Variants in LAMA5 observed in about 807,000 individuals in gnomAD.
The protein encoded by LAMA5 is laminin subunit alpha-5.
A neutral mutation model predicts 433.4 loss-of-function variants in LAMA5; 260 were observed. The ratio of observed to expected loss-of-function variants is 0.60; its 90% confidence interval spans 0.54 to 0.66. The LOEUF (loss-of-function observed/expected upper bound fraction) is 0.66, where lower values mean the gene tolerates loss of function less well. Among genes scored for constraint, LAMA5 ranks in the 30% least tolerant of loss-of-function variants. The pLI, the probability that LAMA5 is intolerant of heterozygous loss-of-function variation, is 0.00. For missense variants in LAMA5, 5,378 were observed against 5,258.5 expected (o/e 1.02, Z -0.70); for synonymous variants, 2,620 against 2,226.6 (o/e 1.18, Z -4.97).
chr20:62,335,627 T>C (rs1357870376), intron 18 of LAMA5, among the ~76,000 whole-genome samples: 104 of 47,058 alleles, frequency 2.2e-3, no homozygotes, highest in Admixed American at 3.8e-3. Context: ...CCTGAGGAAC[T>C]CCACACCCCA....
rs776248644 is a variant in LAMA5 at position 62,313,039 on chromosome 20, G to A, written c.8956-29C>T. ...CAGAAACAGGGCAGGGTTAGTGTGG[G>A]GCAGGGTCAGTGCAAGTGGGGATGG... On this transcript the variant is annotated intron_variant, in intron 65 of 79. Coordinates refer to ENST00000252999, the MANE Select transcript of LAMA5 (RefSeq NM_005560.6). 3.8e-6 allele frequency: 6 copies of A among 1,596,392 alleles called. No individual in the cohort carries two copies. In the African/African-American group the frequency reaches 4.0e-5, roughly 11 times the overall value.
rs1568966005 is a variant in LAMA5 at position 62,346,640 on chromosome 20, A to T, written c.1191+42T>A. On this transcript the variant is annotated intron_variant, in intron 8 of 79. Transcript: ENST00000252999. ...TTGAGTCTGGGGAGGTCCCTGCCCC[A>T]CCTCAGGGCCAGCCCATTCCCAGCC... 21 of 1,610,158 alleles carry T rather than the reference A, an allele frequency of 1.3e-5. 1 individual carries two copies. The South Asian group carries it at 1.9e-4, about 14-fold the overall frequency.
intron 2 of LAMA5, among the ~76,000 whole-genome samples, chr20:62,360,230 G>A (rs1173701800): frequency 6.2e-5 from 9 of 144,048 alleles, no homozygotes; most frequent in African/African-American, 2.1e-4. Context: ...GAAGGAAGAC[G>A]GTGCAGGTGT....
rs748613361 is a variant in LAMA5 at position 62,314,230 on chromosome 20, G to A, written c.8504+74C>T. ...GAGGTGAAGGGTGGTGGGTGCACACGGAGAGGGGAGAGATGGCGAACGGGC... is the reference window on the plus strand; with the variant it reads ...GAGGTGAAGGGTGGTGGGTGCACACAGAGAGGGGAGAGATGGCGAACGGGC... On this transcript the variant is annotated intron_variant, in intron 62 of 79. Transcript: ENST00000252999. The A allele has an allele frequency of 5.2e-5, 80 of 1,538,154 alleles. No individual in the cohort carries two copies. The South Asian group carries it at 7.5e-4, about 14-fold the overall frequency.
chr20:62,314,262 C>G (rs753962641), intron 62 of LAMA5, 42 bp downstream of exon 62: 2 of 1,598,938 alleles, frequency 1.3e-6, no homozygotes, highest in African/African-American at 2.7e-5. Flanking sequence ...GGGCAAGGGC[C>G]CTGCAGTTGG....
At position 62,325,320 on chromosome 20, in the gene LAMA5, C is replaced by CATGA; in HGVS notation, c.5521_5524dup (p.Cys1842PhefsTer53). ...CTGGTGCTGTCCTAACCTCACCTGG[C>CATGA]ATGAGTCCCCCCGGTAGCTGGCGGG... On this transcript the variant is annotated frameshift_variant, in exon 41 of 80. Coordinates refer to ENST00000252999, the MANE Select transcript of LAMA5 (RefSeq NM_005560.6). LOFTEE classifies it high-confidence loss of function. The CATGA allele has an allele frequency of 6.3e-7, 1 of 1,579,142 alleles. No individual in the cohort carries two copies. The highest frequency in any genetic ancestry group is 8.6e-7 in the Non-Finnish European group (1 of 1,160,072).
intron 32 of LAMA5, 112 bp from the exon 33 acceptor site, chr20:62,329,365 G>GCAGCC (rs3065756): frequency 1.4e-4 from 89 of 647,068 alleles, no homozygotes; most frequent in African/African-American, 8.3e-4. Context: ...CCTGGCAGCA[G>GCAGCC]CAGCCCAGCC....
At chr20:62,322,603 C>T in intron 46 of LAMA5, 55 bp downstream of exon 46, 1 of 1,458,210 alleles carries the variant, frequency 6.9e-7, no homozygotes, top group Non-Finnish European at 9.3e-7. Context: ...TCCCCAGGCC[C>T]CAACTCTAGT....
In LAMA5 at chr20:62,351,726, T is replaced by TGGCATCGCA. The variant is rs748598165; in HGVS notation, c.925_933dup (p.Cys309_Ala311dup). ...CACCTGAACGGGTCCGTGGGGTCTT[T>TGGCATCGCA]GGCATCGCAGGCATCCGCGTGGCCG... On this transcript the variant is annotated inframe_insertion, in exon 6 of 80. Transcript: ENST00000252999. 2.5e-6 allele frequency: 4 copies of TGGCATCGCA among 1,611,948 alleles called. No individual in the cohort carries two copies. The highest frequency in any genetic ancestry group is 3.4e-6 in the Non-Finnish European group (4 of 1,179,808).
intron 16 of LAMA5, 47 bp from the exon 17 acceptor site, chr20:62,336,833 G>C: frequency 6.3e-7 from 1 of 1,592,092 alleles, no homozygotes; most frequent in South Asian, 1.1e-5. Context: ...TGACCAACCC[G>C]GAAGGCCAAG....
chr20:62,332,571 G>A lies in LAMA5; in HGVS notation c.3429C>T (p.His1143=), dbSNP rs1447858824. The part of the protein sequence containing the change: ...RAPQQGLLSL[H]PCLYSTLCRG... ...CTCCCACTCACCTGTACAGGCAGGG[G>A]TGCAGGGAGAGCAGCCCCTGCTGGG... Residue 1143 remains histidine, a synonymous_variant, in exon 27 of 80, where the codon CAC becomes CAT. Coordinates refer to ENST00000252999, the MANE Select transcript of LAMA5 (RefSeq NM_005560.6). The A allele has an allele frequency of 1.9e-6, 3 of 1,595,058 alleles. No homozygotes were observed. Among genetic ancestry groups the A allele is most frequent in the Non-Finnish European group, 2.6e-6 (3 of 1,168,628 alleles).
chr20:62,366,348 G>T (rs1476574126), intron 1 of LAMA5, among the ~76,000 whole-genome samples: 5 of 152,196 alleles, frequency 3.3e-5, no homozygotes, highest in Admixed American at 6.5e-5. Context: ...ATCTCCCAGG[G>T]AGACTGAAGC....
intron 16 of LAMA5, among the ~76,000 whole-genome samples, chr20:62,337,245 G>A (rs1268569616): frequency 1.3e-5 from 2 of 152,070 alleles, no homozygotes; most frequent in Non-Finnish European, 2.9e-5. Flanking sequence ...CGCAACACAT[G>A]CACCCACGTG....
intron 22 of LAMA5, 53 bp from the exon 23 acceptor site, chr20:62,334,092 G>A (rs1981069890): frequency 6.3e-7 from 1 of 1,591,976 alleles, no homozygotes; most frequent in Non-Finnish European, 8.6e-7. Context: ...CCAGCCTGAG[G>A]CCTGGGCCTT....
chr20:62,309,650 T>TGGGGGGGGGGGGGGGGGGGGGG (rs1568885175), intron 79 of LAMA5, 66 bp downstream of exon 79: 1 of 292,848 alleles, frequency 3.4e-6, no homozygotes. Flanking sequence ...GGGGGGAGGG[T>TGGGGGGGGGGGGGGGGGGGGGG]GGTAGGTTAC....
intron 9 of LAMA5, 89 bp from the exon 10 acceptor site, chr20:62,346,304 A>C: frequency 1.3e-6 from 2 of 1,497,608 alleles, no homozygotes; most frequent in South Asian, 2.5e-5. Context: ...CTCCCCAGCC[A>C]GGGCCATGGG....
chr20:62,345,688 T>G, intron 11 of LAMA5, 130 bp downstream of exon 11: 1 of 695,698 alleles, frequency 1.4e-6, no homozygotes. Flanking sequence ...AGGCATAATT[T>G]GCATAAAAAG....
chr20:62,328,168 G>A, intron 35 of LAMA5, 73 bp downstream of exon 35: 1 of 1,513,554 alleles, frequency 6.6e-7, no homozygotes, highest in East Asian at 2.4e-5. Context: ...GTGGGTGCCA[G>A]GACCCTCTGG....
rs1985778919 is a variant in LAMA5 at position 62,309,187 on chromosome 20, C to T, written c.*149G>A. On this transcript the variant is annotated 3_prime_UTR_variant, in exon 80 of 80. Coordinates refer to ENST00000252999, the MANE Select transcript of LAMA5 (RefSeq NM_005560.6). The stretch of plus-strand genomic sequence containing the variant: ...AACATTTTGCAGTATTTTATTCTTT[C>T]GTTTAAGAAGCTATAACTTAAACCA... 50 of 779,978 alleles carry T rather than the reference C, an allele frequency of 6.4e-5. No individual in the cohort carries two copies. The South Asian group carries it at 8.7e-4, about 14-fold the overall frequency. The allele number at this position is 779,978 out of a possible 1,614,324, so 48.3% of individuals were successfully genotyped here. A position where few individuals can be genotyped will look rare whatever the true frequency, so the allele number is the denominator to read the frequency against.
Sources: allele counts gnomAD v4.1 joint callset (sites outside exome capture counted in the v4.1 genomes callset), GRCh38; gene constraint gnomAD v4.1.1; transcripts MANE v1.5; gene names NCBI Gene and HGNC (gene_info 2026-07-23, HGNC 2026-07-21).